Variants in GREB1L observed in about 807,000 individuals in gnomAD.
GREB1L encodes the protein GREB1 like retinoic acid receptor coactivator, also known as GREB1-like protein.
A neutral mutation model predicts 200.8 loss-of-function variants in GREB1L; 17 were observed. The observed-to-expected ratio is 0.08, with a 90% CI of 0.06 to 0.13. GREB1L has a LOEUF of 0.13. Among genes scored for constraint, GREB1L ranks in the 10% least tolerant of loss-of-function variants. The pLI, the probability that GREB1L is intolerant of heterozygous loss-of-function variation, is 1.00. For synonymous variants in GREB1L, 789 were observed against 893.0 expected, an observed-to-expected ratio of 0.88 and a Z score of 2.08; for missense variants, 1,657 against 2,367.7, an observed-to-expected ratio of 0.70 and a Z score of 6.23.
At chr18:21,378,363 A>G (rs1307145939) in intron 2 of GREB1L, among the ~76,000 whole-genome samples, 1 of 152,122 alleles carries the variant, frequency 6.6e-6, no homozygotes, top group East Asian at 1.9e-4. Flanking sequence ...AATTCTTTAC[A>G]TTACCATTAT....
chr18:21,318,585 T>C (rs1297757868), intron 1 of GREB1L, among the ~76,000 whole-genome samples: 2 of 152,200 alleles, frequency 1.3e-5, no homozygotes, highest in Non-Finnish European at 2.9e-5. Flanking sequence ...TTTTAAATAA[T>C]GTAAATCCAG....
At chr18:21,498,478 G>T (rs1035671967) in intron 21 of GREB1L, among the ~76,000 whole-genome samples, 2 of 152,180 alleles carry the variant, frequency 1.3e-5, no homozygotes, top group Non-Finnish European at 2.9e-5. Context: ...TCACAGAAGG[G>T]GGGTGGGGGA....
At chr18:21,333,815 C>T (rs2039144104) in intron 1 of GREB1L, among the ~76,000 whole-genome samples, 1 of 151,856 alleles carries the variant, frequency 6.6e-6, no homozygotes, top group Non-Finnish European at 1.5e-5. Context: ...GACCCCATCT[C>T]TACAAAAAAT....
chr18:21,328,184 C>G (rs939627507), intron 1 of GREB1L, among the ~76,000 whole-genome samples: 11 of 152,280 alleles, frequency 7.2e-5, no homozygotes, highest in Admixed American at 1.3e-4. Flanking sequence ...ATTGCCCCCC[C>G]CCGTTCCCCA....
chr18:21,456,867 T>C (rs2034788883), intron 15 of GREB1L, among the ~76,000 whole-genome samples: 1 of 152,176 alleles, frequency 6.6e-6, no homozygotes, highest in African/African-American at 2.4e-5. Flanking sequence ...CACCAAGCAG[T>C]AGCCAGATTT....
At chr18:21,277,580 C>T (rs1228202995) in intron 1 of GREB1L, among the ~76,000 whole-genome samples, 1 of 152,156 alleles carries the variant, frequency 6.6e-6, no homozygotes, top group African/African-American at 2.4e-5. Flanking sequence ...GACCTTTGTA[C>T]TAATGATTTG....
chr18:21,368,533 T>C (rs1426846722), intron 2 of GREB1L, among the ~76,000 whole-genome samples: 1 of 152,198 alleles, frequency 6.6e-6, no homozygotes, highest in African/African-American at 2.4e-5. Flanking sequence ...AAAGTCTCCT[T>C]CTTTTATTAC....
intron 18 of GREB1L, among the ~76,000 whole-genome samples, chr18:21,488,463 T>C: frequency 6.6e-6 from 1 of 152,162 alleles, no homozygotes; most frequent in Non-Finnish European, 1.5e-5. Flanking sequence ...CTTGTTGTAT[T>C]TTAAGTAGAA....
At chr18:21,364,634 G>A (rs1392975330) in intron 1 of GREB1L, among the ~76,000 whole-genome samples, 2 of 152,206 alleles carry the variant, frequency 1.3e-5, no homozygotes, top group Non-Finnish European at 2.9e-5. Context: ...AGATGAAAGA[G>A]TAAGAGTGAC....
intron 15 of GREB1L, among the ~76,000 whole-genome samples, chr18:21,459,279 C>CTTTTTTTTTTTT (rs746568414): frequency 1.4e-4 from 12 of 85,914 alleles, no homozygotes; most frequent in Non-Finnish European, 2.1e-4. Flanking sequence ...TTTTTCTTTA[C>CTTTTTTTTTTTT]TTTTTTTTTT....
intron 1 of GREB1L, among the ~76,000 whole-genome samples, chr18:21,285,136 CT>C (rs1219820460): frequency 6.6e-6 from 1 of 150,942 alleles, no homozygotes; most frequent in African/African-American, 2.4e-5. Flanking sequence ...TGTCCATTTT[CT>C]TTTTTTCTTC....
chr18:21,380,418 C>T (rs1567963787), intron 2 of GREB1L: 1 of 152,284 alleles, frequency 6.6e-6, no homozygotes, highest in African/African-American at 2.4e-5. Context: ...GGACTCTCTC[C>T]AGGGAGTTAA....
intron 1 of GREB1L, among the ~76,000 whole-genome samples, chr18:21,340,542 CT>C (rs933160320): frequency 8.1e-5 from 12 of 148,746 alleles, no homozygotes; most frequent in Admixed American, 1.3e-4. Context: ...TTTTTTCTTT[CT>C]TTTTTTTTTC....
chr18:21,332,420 G>A (rs2039119180), intron 1 of GREB1L, among the ~76,000 whole-genome samples: 1 of 151,784 alleles, frequency 6.6e-6, no homozygotes, highest in Non-Finnish European at 1.5e-5. Flanking sequence ...GGGTAAGCCT[G>A]TACCTACAAA....
chr18:21,521,788 G>A lies in GREB1L; in HGVS notation c.5609-870G>A, dbSNP rs577290443. On this transcript the variant is annotated intron_variant, in intron 32 of 32. Coordinates refer to ENST00000424526, the MANE Select transcript of GREB1L (RefSeq NM_001142966.3). ...GGAGGCCAAGGTGGGTGGATTGGCT[G>A]AGCTCAGGAGTTTGAGACCAGCCTG... is the stretch of plus-strand genomic sequence containing the variant. Among the ~76,000 whole-genome samples the A allele has an allele frequency of 1.3e-4, 19 of 151,854 alleles. 1 individual carries two copies. In the South Asian group the frequency reaches 3.5e-3, roughly 28 times the overall value.
chr18:21,290,018 C>T (rs1319815580), intron 1 of GREB1L, among the ~76,000 whole-genome samples: 1 of 152,160 alleles, frequency 6.6e-6, no homozygotes, highest in Non-Finnish European at 1.5e-5. Context: ...TGGGATTTAC[C>T]AGTGACTTAC....
chr18:21,508,251 G>A lies in GREB1L; in HGVS notation c.4502G>A (p.Ser1501Asn), dbSNP rs995502190. 1 of 1,551,732 alleles carries A rather than the reference G, an allele frequency of 6.4e-7. No homozygotes were observed. Among genetic ancestry groups the A allele is most frequent in the Non-Finnish European group, 8.7e-7 (1 of 1,147,034 alleles). Residue 1501 changes from serine to asparagine, a missense_variant, in exon 26 of 33, where the codon AGC (serine) becomes AAC (asparagine). Ser to Asn is a conservative substitution (Grantham distance 46). Coordinates refer to ENST00000424526, the MANE Select transcript of GREB1L (RefSeq NM_001142966.3). ...AGCAAGCAGGGCAAGCACCTGGAGA[G>A]CATGCGGCTGCCCCTGGTTTCAGAC... ...VFSKQGKHLE[S>N]MRLPLVSDKN... is the part of the protein sequence containing the mutation.
At chr18:21,306,239 G>C (rs1240314455) in intron 1 of GREB1L, among the ~76,000 whole-genome samples, 1 of 152,176 alleles carries the variant, frequency 6.6e-6, no homozygotes, top group Non-Finnish European at 1.5e-5. Context: ...GGTTGAATTA[G>C]TGAATGAGAA....
chr18:21,462,927 C>G (rs191411055), intron 15 of GREB1L, among the ~76,000 whole-genome samples: 1 of 152,050 alleles, frequency 6.6e-6, no homozygotes, highest in African/African-American at 2.4e-5. Flanking sequence ...ATAACATTAA[C>G]CACACAGCAA....
Sources: gnomAD v4.1 joint callset for allele counts (sites outside exome capture counted in the v4.1 genomes callset) on GRCh38, gnomAD v4.1.1 for gene constraint, MANE v1.5 for transcripts, NCBI Gene and HGNC (gene_info 2026-07-23, HGNC 2026-07-21) for gene names.